Variants in EXOC1 observed in about 807,000 individuals in gnomAD.
The protein encoded by EXOC1 is exocyst complex component 1.
A neutral mutation model predicts 107.7 loss-of-function variants in EXOC1; 67 were observed. That is an observed-to-expected ratio of 0.62 (90% CI 0.51 to 0.76). The LOEUF is 0.76. Among genes scored for constraint, EXOC1 ranks in the 30% least tolerant of loss-of-function variants. EXOC1 has a pLI of 0.00. For synonymous variants in EXOC1, 348 were observed against 353.5 expected, an observed-to-expected ratio of 0.98 and a Z score of 0.17; for missense variants, 833 against 1,055.7, an observed-to-expected ratio of 0.79 and a Z score of 2.92.
At position 55,890,325 on chromosome 4, in the gene EXOC1, T is replaced by C; in HGVS notation, c.1478T>C (p.Leu493Ser). 6.2e-7 allele frequency: 1 copy of C among 1,614,082 alleles called. No individual in the cohort carries two copies. Among genetic ancestry groups the C allele is most frequent in the Non-Finnish European group, 8.5e-7 (1 of 1,179,960 alleles). ...GNRRSQSSSLLDMGNMSASDL... is the reference protein window; with the variant it reads ...GNRRSQSSSLSDMGNMSASDL... ...CGCAGATCTCAGTCATCTTCCCTGT[T>C]GGATATGGGAAACATGTCTGCCTCT... is the stretch of plus-strand genomic sequence containing the variant. Residue 493 changes from leucine to serine, a missense_variant, in exon 12 of 19, where the codon TTG (leucine) becomes TCG (serine). This residue lies in a region of EXOC1 where 617 missense variants were observed against 701.3 expected (regional missense o/e 0.88). Coordinates refer to ENST00000381295, the MANE Select transcript of EXOC1 (RefSeq NM_001024924.2).
chr4:55,885,541 T>A (rs1005897632), intron 10 of EXOC1: 1 of 152,194 alleles, frequency 6.6e-6, no homozygotes, highest in African/African-American at 2.4e-5. Flanking sequence ...AATGTGTCTA[T>A]TAAATAGCAA....
chr4:55,876,505 A>C, intron 8 of EXOC1: 1 of 813,992 alleles, frequency 1.2e-6, no homozygotes, highest in South Asian at 5.6e-5. Context: ...ACATTTTACC[A>C]TCAAAATTGT....
At chr4:55,869,796 C>T (rs1019691617) in intron 5 of EXOC1, among the ~76,000 whole-genome samples, 3 of 152,180 alleles carry the variant, frequency 2.0e-5, no homozygotes, top group African/African-American at 4.8e-5. Flanking sequence ...GAAACCACAG[C>T]GTCAGCTGTA....
At chr4:55,903,426 G>A (rs1049081804) in intron 18 of EXOC1, among the ~76,000 whole-genome samples, 11 of 152,184 alleles carry the variant, frequency 7.2e-5, no homozygotes, top group African/African-American at 2.7e-4. Context: ...AACAGGCAAA[G>A]TGGGGATGGA....
rs573489329 is a variant in EXOC1, at chr4:55,868,175, TA to T, written c.416-156del. Among the ~76,000 whole-genome samples the T allele has an allele frequency of 3.3e-5, 5 of 152,332 alleles. No homozygotes were observed. In the South Asian group the frequency reaches 6.2e-4, roughly 19 times the overall value. On this transcript the variant is annotated intron_variant, in intron 4 of 18. Transcript: ENST00000381295. The stretch of plus-strand genomic sequence containing the variant: ...TTTCATTAACATATTAAATTATTTA[TA>T]AAAATAAAGTTTGATTTTTTCATAT...
chr4:55,891,269 A>C, intron 12 of EXOC1, 46 bp from the exon 13 acceptor site: 3 of 1,176,712 alleles, frequency 2.5e-6, no homozygotes, highest in South Asian at 1.2e-5. Flanking sequence ...TATTTTAAGC[A>C]TTTGGTGCAG....
chr4:55,855,667 T>A (rs775404552), intron 1 of EXOC1, among the ~76,000 whole-genome samples: 4 of 152,148 alleles, frequency 2.6e-5, no homozygotes, highest in Non-Finnish European at 4.4e-5. Context: ...AGGGGGCTAC[T>A]TTACAGAAAA....
In EXOC1 at chr4:55,876,468, A is replaced by G. The variant is rs575503007; in HGVS notation, c.1075-1449A>G. 50 of 653,912 alleles carry G rather than the reference A, an allele frequency of 7.6e-5. 1 individual carries two copies. The highest frequency in any genetic ancestry group is 8.5e-5 in the Non-Finnish European group (45 of 527,634). 40.5% of individuals were successfully genotyped at this position (653,912 alleles called of 1,614,324 possible). ...AATATGAATAGTCACTCTAAGCACT[A>G]TAAATAGGCCCATGTCAGTTCAGGT... is the stretch of plus-strand genomic sequence containing the variant. On this transcript the variant is annotated intron_variant, in intron 8 of 18. Transcript: ENST00000381295.
chr4:55,884,093 A>T (rs1427541878), intron 10 of EXOC1, among the ~76,000 whole-genome samples, 165 bp downstream of exon 10: 3 of 152,240 alleles, frequency 2.0e-5, no homozygotes, highest in African/African-American at 4.8e-5. Context: ...TAGAACAAAT[A>T]TGTATATCTG....
At chr4:55,898,958 T>C (rs565967610) in intron 16 of EXOC1, among the ~76,000 whole-genome samples, 2 of 152,158 alleles carry the variant, frequency 1.3e-5, no homozygotes, top group Non-Finnish European at 2.9e-5. Flanking sequence ...GATTTATGTA[T>C]CTCAAGTCTT....
At chr4:55,899,487 C>T (rs1354194141) in intron 16 of EXOC1, among the ~76,000 whole-genome samples, 198 bp from the exon 17 acceptor site, 1 of 152,030 alleles carries the variant, frequency 6.6e-6, no homozygotes, top group Non-Finnish European at 1.5e-5. Flanking sequence ...TTTCCATATA[C>T]ACATGGGACT....
chr4:55,860,556 G>C lies in EXOC1; in HGVS notation c.255+15G>C. 6.2e-7 allele frequency: 1 copy of C among 1,613,158 alleles called. No homozygotes were observed. Among genetic ancestry groups the C allele is most frequent in the South Asian group, 1.1e-5 (1 of 91,050 alleles). ...ATGCTATCAAAGTAGGTTTTTCTCA[G>C]TTCTTTGACCTGTGTTCAGAAAGCA... On this transcript the variant is annotated intron_variant, in intron 3 of 18. Transcript: ENST00000381295.
intron 4 of EXOC1, among the ~76,000 whole-genome samples, chr4:55,866,253 C>G (rs901796219): frequency 1.3e-5 from 2 of 152,102 alleles, no homozygotes; most frequent in Non-Finnish European, 2.9e-5. Context: ...AATGGGGCTC[C>G]TCAGCAGAAT....
chr4:55,878,131 G>A, intron 9 of EXOC1, 65 bp downstream of exon 9: 1 of 1,553,944 alleles, frequency 6.4e-7, no homozygotes, highest in East Asian at 2.3e-5. Context: ...AAGAGGTCAT[G>A]TGTTCAGTTC....
chr4:55,882,099 T>TTTGTTA (rs1577730766), intron 9 of EXOC1, among the ~76,000 whole-genome samples: 1 of 150,988 alleles, frequency 6.6e-6, no homozygotes, highest in East Asian at 2.0e-4. Flanking sequence ...CCATAGGGTT[T>TTTGTTA]TTGTTGTTGT....
At chr4:55,883,981 A>G (rs1723642594) in intron 10 of EXOC1, 53 bp downstream of exon 10, 4 of 1,267,152 alleles carry the variant, frequency 3.2e-6, no homozygotes, top group South Asian at 1.4e-5. Flanking sequence ...GGCTTTATTT[A>G]TAACAAATAA....
chr4:55,899,675 T>G lies in EXOC1; in HGVS notation c.2138-10T>G, dbSNP rs1161813019. 6.2e-7 allele frequency: 1 copy of G among 1,602,422 alleles called. No individual in the cohort carries two copies. The highest frequency in any genetic ancestry group is 8.5e-7 in the Non-Finnish European group (1 of 1,175,842). On this transcript the variant is annotated splice_polypyrimidine_tract_variant and intron_variant, in intron 16 of 18. Coordinates refer to ENST00000381295, the MANE Select transcript of EXOC1 (RefSeq NM_001024924.2). ...GAGATGTTATTTTATTTTTTCTGTT[T>G]TGGTTTTAGTGGAGAAAGTAGCAAA...
chr4:55,861,181 T>C (rs1251271253), intron 3 of EXOC1, among the ~76,000 whole-genome samples: 1 of 152,174 alleles, frequency 6.6e-6, no homozygotes, highest in African/African-American at 2.4e-5. Context: ...GTTGGCCTCC[T>C]TTGATTAAAT....
At position 55,895,573 on chromosome 4, in the gene EXOC1, T is replaced by C. The variant is rs1254828380; in HGVS notation, c.1954-1144T>C. On this transcript the variant is annotated intron_variant, in intron 15 of 18. Coordinates refer to ENST00000381295, the MANE Select transcript of EXOC1 (RefSeq NM_001024924.2). ...AATTATTTTTCTAATCCATGTGTCATATGGTTTTTGAGTTATACTCCCCAA... is the reference window on the plus strand; with the variant it reads ...AATTATTTTTCTAATCCATGTGTCACATGGTTTTTGAGTTATACTCCCCAA... Among the ~76,000 whole-genome samples the C allele has an allele frequency of 4.6e-5, 7 of 152,190 alleles. No homozygotes were observed. In the East Asian group the frequency reaches 1.3e-3, roughly 29 times the overall value.
Sources: allele counts gnomAD v4.1 joint callset (sites outside exome capture counted in the v4.1 genomes callset), GRCh38; gene constraint gnomAD v4.1.1; regional missense constraint gnomAD v4.1.1; transcripts MANE v1.5; gene names NCBI Gene and HGNC (gene_info 2026-07-23, HGNC 2026-07-21).